ULK4: variants seen among roughly 807,000 people sequenced by gnomAD.
ULK4 encodes unc-51 like kinase 4.
In ULK4, 133 loss-of-function variants were observed where a neutral mutation model predicts 160.6. The observed-to-expected ratio is 0.83, with a 90% confidence interval of 0.72 to 0.96. The LOEUF is 0.96. ULK4 is among the 40% of genes least tolerant of loss of function. The pLI is 0.00. For synonymous variants in ULK4, 534 were observed against 539.8 expected (o/e 0.99, Z 0.15); for missense variants, 1,580 against 1,499.5 (o/e 1.05, Z -0.89).
At chr3:41,426,818 A>G (rs1172971453) in intron 34 of ULK4, among the ~76,000 whole-genome samples, 1 of 152,274 alleles carries the variant, frequency 6.6e-6, no homozygotes, top group Admixed American at 6.5e-5. Context: ...AAAACTAGAA[A>G]AATCTCAAAT....
chr3:41,911,381 G>A lies in ULK4; in HGVS notation c.1021C>T (p.Pro341Ser), dbSNP rs548578158. The A allele has an allele frequency of 6.2e-7, 1 of 1,614,048 alleles. No individual in the cohort carries two copies. Among genetic ancestry groups the A allele is most frequent in the South Asian group, 1.1e-5 (1 of 91,060 alleles). Residue 341 changes from proline (P) to serine (S), a missense_variant, in exon 11 of 37, where the codon CCA becomes TCA. Transcript: ENST00000301831. Reference sequence around the variant, plus strand: ...GTACTCTTAGGCCGAAACTCAGTTGGATTTTCTGTAGCAGGAAAGTAATAT... The same window carrying A: ...GTACTCTTAGGCCGAAACTCAGTTGAATTTTCTGTAGCAGGAAAGTAATAT... ...PLGHSFRLEN[P>S]TEFRPKSTLE...
At chr3:41,803,087 C>T (rs2040515653) in intron 19 of ULK4, among the ~76,000 whole-genome samples, 1 of 151,666 alleles carries the variant, frequency 6.6e-6, no homozygotes, top group Non-Finnish European at 1.5e-5. Flanking sequence ...ATTGCTTGAA[C>T]CAGGACCCAG....
chr3:41,925,267 G>C (rs1699337947), intron 5 of ULK4, among the ~76,000 whole-genome samples: 1 of 152,198 alleles, frequency 6.6e-6, no homozygotes, highest in Admixed American at 6.5e-5. Context: ...CAGAAGCAAG[G>C]TGGGGTGTTG....
intron 35 of ULK4, among the ~76,000 whole-genome samples, chr3:41,361,516 G>A (rs2081143892): frequency 6.6e-6 from 1 of 152,104 alleles, no homozygotes; most frequent in South Asian, 2.1e-4. Flanking sequence ...GAACTTGTTG[G>A]ACATACAAAT....
At chr3:41,641,026 C>T (rs887823019) in intron 30 of ULK4, among the ~76,000 whole-genome samples, 1 of 152,170 alleles carries the variant, frequency 6.6e-6, no homozygotes, top group African/African-American at 2.4e-5. Context: ...CAAGGCTTTG[C>T]TCTAATCACT....
intron 32 of ULK4, among the ~76,000 whole-genome samples, chr3:41,493,342 G>A (rs571003317): frequency 1.5e-3 from 212 of 145,044 alleles, no homozygotes; most frequent in African/African-American, 4.8e-3. Context: ...GGTACATAAC[G>A]AAATGAAGGC....
chr3:41,398,031 C>T (rs948078764), intron 35 of ULK4, 48 bp downstream of exon 35: 1 of 1,567,760 alleles, frequency 6.4e-7, no homozygotes, highest in Non-Finnish European at 8.6e-7. Flanking sequence ...GTCCATGTCG[C>T]TGCCAGCAAA....
intron 21 of ULK4, among the ~76,000 whole-genome samples, chr3:41,760,202 A>G (rs2038940359): frequency 1.3e-5 from 2 of 152,182 alleles, no homozygotes; most frequent in Admixed American, 1.3e-4. Flanking sequence ...TAATCATTAT[A>G]GTAGTGCAAA....
At chr3:41,882,024 GCCA>G (rs1553681237) in intron 17 of ULK4, 2 of 41,928 alleles carry the variant, frequency 4.8e-5, no homozygotes, top group Non-Finnish European at 2.0e-4. Flanking sequence ...GTAGAATGAG[GCCA>G]TCACATCACC....
intron 21 of ULK4, among the ~76,000 whole-genome samples, chr3:41,780,163 A>T (rs1262131509): frequency 6.6e-6 from 1 of 151,474 alleles, no homozygotes; most frequent in Admixed American, 6.6e-5. Context: ...AATACAAAAA[A>T]AAAGCCGAGT....
chr3:41,841,181 G>A (rs1323250725), intron 17 of ULK4, among the ~76,000 whole-genome samples: 4 of 148,658 alleles, frequency 2.7e-5, no homozygotes, highest in Non-Finnish European at 6.0e-5. Flanking sequence ...TGGGAGGTGA[G>A]GAGCGCCTCT....
intron 17 of ULK4, among the ~76,000 whole-genome samples, chr3:41,847,554 A>G (rs956698507): frequency 4.6e-5 from 7 of 152,216 alleles, no homozygotes; most frequent in Admixed American, 1.3e-4. Flanking sequence ...ATATTTCGGT[A>G]TTCTTCCCTA....
At chr3:41,883,658 G>A (rs1697604201) in intron 17 of ULK4, among the ~76,000 whole-genome samples, 1 of 152,218 alleles carries the variant, frequency 6.6e-6, no homozygotes, top group Non-Finnish European at 1.5e-5. Flanking sequence ...CATAAGCCTT[G>A]TTAACTCTGC....
intron 32 of ULK4, among the ~76,000 whole-genome samples, chr3:41,545,528 T>C (rs1228781383): frequency 6.6e-6 from 1 of 152,196 alleles, no homozygotes; most frequent in Admixed American, 6.5e-5. Flanking sequence ...CTTTATGTAA[T>C]ATATAATTTT....
At chr3:41,606,105 G>A (rs945646233) in intron 31 of ULK4, among the ~76,000 whole-genome samples, 1 of 151,880 alleles carries the variant, frequency 6.6e-6, no homozygotes. Context: ...CAGTGCTTAG[G>A]GGGACATTTT....
chr3:41,304,690 G>A (rs1388543382), intron 35 of ULK4, among the ~76,000 whole-genome samples: 4 of 152,236 alleles, frequency 2.6e-5, no homozygotes, highest in African/African-American at 9.6e-5. Flanking sequence ...GCCATGAGTA[G>A]GAAGGCAGTG....
At chr3:41,468,352 G>C (rs1469313808) in intron 32 of ULK4, among the ~76,000 whole-genome samples, 1 of 152,100 alleles carries the variant, frequency 6.6e-6, no homozygotes, top group African/African-American at 2.4e-5. Context: ...TCCCAAACAG[G>C]GGCAAGGATT....
chr3:41,626,799 T>C (rs2033535779), intron 30 of ULK4, among the ~76,000 whole-genome samples: 2 of 152,154 alleles, frequency 1.3e-5, no homozygotes, highest in Non-Finnish European at 1.5e-5. Flanking sequence ...GTGCTGGGAT[T>C]ATAAGCGTGA....
chr3:41,328,542 G>A (rs2080380133), intron 35 of ULK4, among the ~76,000 whole-genome samples: 1 of 152,186 alleles, frequency 6.6e-6, no homozygotes, highest in South Asian at 2.1e-4. Context: ...TTCTAGAGTT[G>A]TATTAATTCT....
Sources: allele counts gnomAD v4.1 joint callset (sites outside exome capture counted in the v4.1 genomes callset), GRCh38; gene constraint gnomAD v4.1.1; transcripts MANE v1.5; gene names NCBI Gene and HGNC (gene_info 2026-07-23, HGNC 2026-07-21).